Variants in ACSBG1 observed in about 807,000 individuals in gnomAD.
ACSBG1 encodes acyl-CoA synthetase bubblegum family member 1, also known as long-chain-fatty-acid--CoA ligase ACSBG1.
Under a neutral mutation model 80.2 loss-of-function variants are expected in ACSBG1, and 39 were observed. The ratio of observed to expected loss-of-function variants is 0.49; its 90% confidence interval spans 0.38 to 0.64. The LOEUF (loss-of-function observed/expected upper bound fraction) is 0.64. Among genes scored for constraint, ACSBG1 ranks in the 30% least tolerant of loss-of-function variants. ACSBG1 has a pLI of 0.00. For missense variants in ACSBG1, 828 were observed against 966.4 expected, an observed-to-expected ratio of 0.86 and a Z score of 1.90; for synonymous variants, 392 against 379.5, an observed-to-expected ratio of 1.03 and a Z score of -0.38.
intron 1 of ACSBG1, among the ~76,000 whole-genome samples, chr15:78,221,635 G>T (rs1182371467): frequency 1.3e-5 from 2 of 152,080 alleles, no homozygotes; most frequent in Non-Finnish European, 2.9e-5. Context: ...GTCGGGCTGG[G>T]GGACAGTTAG....
chr15:78,176,593 G>T (rs1454580075), intron 11 of ACSBG1, among the ~76,000 whole-genome samples: 1 of 152,042 alleles, frequency 6.6e-6, no homozygotes, highest in Non-Finnish European at 1.5e-5. Flanking sequence ...AAAATTCTTA[G>T]AAGTAAATAT....
intron 1 of ACSBG1, among the ~76,000 whole-genome samples, chr15:78,221,344 A>G (rs1287395313): frequency 1.3e-5 from 2 of 152,200 alleles, no homozygotes; most frequent in African/African-American, 4.8e-5. Context: ...CGTGTCATAA[A>G]TAAGTTCAAG....
intron 1 of ACSBG1, among the ~76,000 whole-genome samples, chr15:78,210,046 A>T (rs545572122): frequency 2.4e-4 from 37 of 152,342 alleles, no homozygotes; most frequent in African/African-American, 8.7e-4. Flanking sequence ...ACTTATCGTG[A>T]TTAGAACCTT....
intron 2 of ACSBG1, among the ~76,000 whole-genome samples, chr15:78,199,732 A>G (rs546011014): frequency 1.3e-5 from 2 of 151,460 alleles, no homozygotes; most frequent in East Asian, 3.9e-4. Flanking sequence ...CCTGGTCTCA[A>G]GCAATCCTCC....
intron 1 of ACSBG1, among the ~76,000 whole-genome samples, chr15:78,233,185 C>T (rs780517589): frequency 3.9e-5 from 6 of 152,202 alleles, no homozygotes; most frequent in Non-Finnish European, 5.9e-5. Context: ...CAGGGAGGGG[C>T]TTGCCCTCAT....
rs141551096 is a variant in ACSBG1 at position 78,178,650 on chromosome 15, C to T, written c.1666G>A (p.Ala556Thr). The change falls in exon 11 of 14, where the codon GCC (alanine) becomes ACC (threonine). Residue 556 changes from alanine to threonine, a missense_variant. By Grantham distance (58) the Ala-to-Thr change is moderately conservative. Coordinates refer to ENST00000258873, the MANE Select transcript of ACSBG1 (RefSeq NM_015162.5). The surrounding 1 kb of genome is among the most constrained non-coding windows in gnomAD (Gnocchi z 4.3). ...LHTGDAGRLDADGFLYITGRL... is the reference protein window; with the variant it reads ...LHTGDAGRLDTDGFLYITGRL... ...CCAGTGATGTAGAGGAAGCCATCGG[C>T]GTCCAGGCGGCCAGCATCACCCGTG... 8 of 1,613,616 alleles carry T rather than the reference C, an allele frequency of 5.0e-6. No individual in the cohort carries two copies. The African/African-American group carries it at 5.3e-5, about 11-fold the overall frequency.
At chr15:78,233,693 T>C (rs1452543415) in intron 1 of ACSBG1, among the ~76,000 whole-genome samples, 2 of 152,128 alleles carry the variant, frequency 1.3e-5, no homozygotes, top group South Asian at 2.1e-4. Flanking sequence ...GTTCCGTGTG[T>C]GTGCGTGTGC....
chr15:78,198,940 T>C (rs1035269758), intron 2 of ACSBG1, among the ~76,000 whole-genome samples: 3 of 152,164 alleles, frequency 2.0e-5, no homozygotes, highest in African/African-American at 7.2e-5. Flanking sequence ...AATAAATGAA[T>C]GAAGTGGCCC....
chr15:78,181,834 C>T (rs2074948447), intron 8 of ACSBG1, 135 bp downstream of exon 8: 1 of 1,184,428 alleles, frequency 8.4e-7, no homozygotes, highest in Non-Finnish European at 1.2e-6. Flanking sequence ...AGGCTGTGCC[C>T]ACTGCAGCTG....
intron 5 of ACSBG1, among the ~76,000 whole-genome samples, chr15:78,193,269 G>A (rs2075072395): frequency 6.6e-6 from 1 of 152,222 alleles, no homozygotes; most frequent in African/African-American, 2.4e-5. Context: ...CTGGACAGGA[G>A]TCCTACCCAA....
intron 1 of ACSBG1, among the ~76,000 whole-genome samples, chr15:78,210,803 A>T (rs534914648): frequency 1.3e-5 from 2 of 152,254 alleles, no homozygotes; most frequent in East Asian, 3.9e-4. Context: ...TTGTAGAGAC[A>T]GGGTCTTGCT....
chr15:78,207,681 C>T lies in ACSBG1; in HGVS notation c.232+321G>A, dbSNP rs117153209. On this transcript the variant is annotated intron_variant, in intron 2 of 13. Coordinates refer to ENST00000258873, the MANE Select transcript of ACSBG1 (RefSeq NM_015162.5). ...GGGCTTTCTCCTGTCCCTCAGCAAC[C>T]CTTTGCTGGAGCCCCAAGTTCCCAA... 1.0e-3 allele frequency: 364 copies of T among 359,284 alleles called. 2 individuals are homozygous for T. The East Asian group carries it at 0.016, about 16-fold the overall frequency. 22.3% of individuals were successfully genotyped at this position (359,284 alleles called of 1,614,324 possible).
intron 2 of ACSBG1, among the ~76,000 whole-genome samples, chr15:78,207,406 C>CTACAATGTTGTTGT (rs1324022995): frequency 6.6e-6 from 1 of 152,054 alleles, no homozygotes; most frequent in African/African-American, 2.4e-5. Context: ...TCTGTTGTTG[C>CTACAATGTTGTTGT]TACAATGTTG....
chr15:78,218,065 C>T (rs2075327190), intron 1 of ACSBG1, among the ~76,000 whole-genome samples: 1 of 152,154 alleles, frequency 6.6e-6, no homozygotes, highest in Admixed American at 6.5e-5. Flanking sequence ...CCATTGCTTG[C>T]CATTTTTATC....
chr15:78,197,445 A>T (rs2075124549), intron 2 of ACSBG1, among the ~76,000 whole-genome samples: 1 of 152,150 alleles, frequency 6.6e-6, no homozygotes, highest in Non-Finnish European at 1.5e-5. Flanking sequence ...GAGGGCCCGC[A>T]TGGTGGCTTA....
In ACSBG1 at chr15:78,167,469, C is replaced by T. The variant is rs1180870770; in HGVS notation, c.*3975G>A. On this transcript the variant is annotated 3_prime_UTR_variant, in exon 14 of 14. Coordinates refer to ENST00000258873, the MANE Select transcript of ACSBG1 (RefSeq NM_015162.5). ...AAATAATGCACTTGAAGACTCATCC[C>T]TAATTTGAGGTCCTTTTTAACAAAA... 1 of 152,164 alleles carries T rather than the reference C, an allele frequency of 6.6e-6. No individual in the cohort carries two copies. Among genetic ancestry groups the T allele is most frequent in the East Asian group, 1.9e-4 (1 of 5,196 alleles). The allele number at this position is 152,164 out of a possible 1,614,324, so 9.4% of individuals were successfully genotyped here. A position where few individuals can be genotyped will look rare whatever the true frequency, so the allele number is the denominator to read the frequency against.
At chr15:78,174,819 C>T (rs1341078194) in intron 11 of ACSBG1, 6 of 452,854 alleles carry the variant, frequency 1.3e-5, no homozygotes, top group Non-Finnish European at 2.0e-5. Context: ...CCAGTTCCTG[C>T]CCCCAAATAG....
chr15:78,200,513 C>T (rs573946968), intron 2 of ACSBG1, among the ~76,000 whole-genome samples: 2 of 152,178 alleles, frequency 1.3e-5, no homozygotes, highest in Admixed American at 6.5e-5. Flanking sequence ...CCCTGCCATG[C>T]GCCATGCCAT....
intron 1 of ACSBG1, among the ~76,000 whole-genome samples, chr15:78,228,377 G>A (rs2075420974): frequency 6.6e-6 from 1 of 152,200 alleles, no homozygotes; most frequent in Non-Finnish European, 1.5e-5. Flanking sequence ...TCAGGTCAGA[G>A]TAGATTGATA....
Sources: allele counts gnomAD v4.1 joint callset (sites outside exome capture counted in the v4.1 genomes callset), GRCh38; gene constraint gnomAD v4.1.1; non-coding constraint Gnocchi (gnomAD v3.1); transcripts MANE v1.5; gene names NCBI Gene and HGNC (gene_info 2026-07-23, HGNC 2026-07-21).